The following ACBD5 variants were observed in gnomAD, a reference collection of about 807,000 sequenced individuals.
ACBD5 encodes the protein acyl-CoA binding domain containing 5, also known as acyl-CoA-binding domain-containing protein 5.
Under a neutral mutation model 71.8 loss-of-function variants are expected in ACBD5, and 40 were observed. The ratio of observed to expected loss-of-function variants is 0.56; its 90% CI spans 0.43 to 0.72. ACBD5 has a LOEUF of 0.72. ACBD5 is among the 30% of genes least tolerant of loss of function. The pLI, the probability that ACBD5 is intolerant of heterozygous loss-of-function variation, is 0.00. For missense variants in ACBD5, 559 were observed against 644.5 expected, an observed-to-expected ratio of 0.87 and a Z score of 1.44; for synonymous variants, 229 against 218.6, an observed-to-expected ratio of 1.05 and a Z score of -0.42.
At chr10:27,187,159 G>T (rs1164766398) in intron 13 of ACBD5, among the ~76,000 whole-genome samples, 1 of 152,122 alleles carries the variant, frequency 6.6e-6, no homozygotes, top group African/African-American at 2.4e-5. Flanking sequence ...AATTAGCCGG[G>T]CATGTTGGTG....
chr10:27,212,320 G>A (rs1272919103), intron 8 of ACBD5, among the ~76,000 whole-genome samples: 1 of 152,228 alleles, frequency 6.6e-6, no homozygotes, highest in African/African-American at 2.4e-5. Flanking sequence ...CTGCACTCCA[G>A]AAGCCAGGTC....
intron 5 of ACBD5, among the ~76,000 whole-genome samples, chr10:27,221,795 G>A (rs569018297): frequency 6.6e-6 from 1 of 151,448 alleles, no homozygotes; most frequent in Admixed American, 6.6e-5. Flanking sequence ...GTGTACACTT[G>A]TAATCCCAGC....
chr10:27,229,120 C>T (rs1363220736), intron 4 of ACBD5, among the ~76,000 whole-genome samples: 3 of 150,982 alleles, frequency 2.0e-5, no homozygotes, highest in African/African-American at 4.9e-5. Context: ...CCACAGCCGG[C>T]GTTAAAAGAA....
chr10:27,191,315 G>A (rs1281028123), downstream of ACBD5, among the ~76,000 whole-genome samples: 1 of 152,188 alleles, frequency 6.6e-6, no homozygotes, highest in Non-Finnish European at 1.5e-5. Flanking sequence ...AGGATGACAA[G>A]GTGGAGCACA....
intron 4 of ACBD5, among the ~76,000 whole-genome samples, chr10:27,223,777 G>T (rs1405404379): frequency 6.6e-6 from 1 of 152,062 alleles, no homozygotes; most frequent in Non-Finnish European, 1.5e-5. Context: ...AGGCACGGTG[G>T]TGTGTGTCTG....
At chr10:27,206,914 T>C (rs2136913988) in intron 10 of ACBD5, among the ~76,000 whole-genome samples, 1 of 152,070 alleles carries the variant, frequency 6.6e-6, no homozygotes, top group South Asian at 2.1e-4. Flanking sequence ...CAAAGACAAA[T>C]GTGCATAGTA....
Position 27,231,804 on chromosome 10 carries a change from G to A in ACBD5, c.319C>T (p.Leu107=). 1 of 1,613,654 alleles carries A rather than the reference G, an allele frequency of 6.2e-7. No homozygotes were observed. Among genetic ancestry groups the A allele is most frequent in the Non-Finnish European group, 8.5e-7 (1 of 1,179,912 alleles). ...GCTTCCTCTTTGGTCATATCACCCAGTGAACTCCAAGCATCCCTAGAAATG... is the reference window on the plus strand; with the variant it reads ...GCTTCCTCTTTGGTCATATCACCCAATGAACTCCAAGCATCCCTAGAAATG... ...GRYKWDAWSS[L]GDMTKEEAMI... The change falls in exon 4 of 13, where the codon CTG becomes TTG. Residue 107 remains leucine (L), a synonymous_variant. Coordinates refer to ENST00000396271, the MANE Select transcript of ACBD5 (RefSeq NM_145698.5).
rs2062105104 is a variant in ACBD5, at chr10:27,219,788, C to T, written c.560G>A (p.Ser187Asn). ...TVNGKAESSD[S>N]GAESEEEEAQ... ...CTCTTCTTCCTCAGACTCGGCTCCA[C>T]TGTCACTGCTTTCAGCTTTACCATT... is the stretch of plus-strand genomic sequence containing the variant. Residue 187 changes from serine (S) to asparagine (N), a missense_variant, in exon 6 of 13, where the codon AGT (serine) becomes AAT (asparagine). Ser to Asn is a conservative substitution (Grantham distance 46, BLOSUM62 1). Transcript: ENST00000396271. 1 of 1,614,162 alleles carries T rather than the reference C, an allele frequency of 6.2e-7. No individual in the cohort carries two copies. Among genetic ancestry groups the T allele is most frequent in the Non-Finnish European group, 8.5e-7 (1 of 1,180,024 alleles).
chr10:27,240,304 G>T lies in ACBD5; in HGVS notation c.181+15C>A, dbSNP rs1351699591. The stretch of plus-strand genomic sequence containing the variant: ...TCTGCAGGAGGCGTCTACAGCCGGG[G>T]CCCAGCGCACGTACCATTCTTCGGC... On this transcript the variant is annotated intron_variant, in intron 2 of 12. Transcript: ENST00000396271. The surrounding 1 kb of genome is among the most constrained non-coding windows in gnomAD (Gnocchi z 4.1). The T allele has an allele frequency of 1.9e-6, 3 of 1,613,888 alleles. No homozygotes were observed. The highest frequency in any genetic ancestry group is 1.7e-6 in the Non-Finnish European group (2 of 1,180,032).
Position 27,196,294 on chromosome 10 carries a change from G to A in ACBD5, c.*1136C>T, listed in dbSNP as rs892205669. 1 of 453,962 alleles carries A rather than the reference G, an allele frequency of 2.2e-6. No individual in the cohort carries two copies. Among genetic ancestry groups the A allele is most frequent in the African/African-American group, 2.0e-5 (1 of 49,996 alleles). 28.1% of individuals were successfully genotyped at this position (453,962 alleles called of 1,614,324 possible). A position where few individuals can be genotyped will look rare whatever the true frequency, so the allele number is the denominator to read the frequency against. On this transcript the variant is annotated 3_prime_UTR_variant, in exon 13 of 13. Transcript: ENST00000396271. ...AGCAGGAAGTTTTGGAAGGCATACA[G>A]GAAAAGTCTCCAAGGATCTAAATTG...
intron 4 of ACBD5, among the ~76,000 whole-genome samples, chr10:27,227,511 T>C (rs2063234727): frequency 6.6e-6 from 1 of 152,074 alleles, no homozygotes; most frequent in African/African-American, 2.4e-5. Context: ...CACTTCTGAG[T>C]ATGCTGATCA....
rs1589239590 is a variant in ACBD5 at position 27,223,332 on chromosome 10, T to C, written c.490+6A>G. The stretch of plus-strand genomic sequence containing the variant: ...ATGAATTTAAAAATAGGTAAAATAG[T>C]CCAACCTGAGGTTATATCAGAACTC... On this transcript the variant is annotated splice_donor_region_variant and intron_variant, in intron 5 of 12. Coordinates refer to ENST00000396271, the MANE Select transcript of ACBD5 (RefSeq NM_145698.5). 6.3e-7 allele frequency: 1 copy of C among 1,596,674 alleles called. No homozygotes were observed. The highest frequency in any genetic ancestry group is 1.7e-4 in the Middle Eastern group (1 of 6,018).
intron 4 of ACBD5, among the ~76,000 whole-genome samples, chr10:27,226,449 TACACACACAC>T (rs66967226): frequency 3.1e-3 from 415 of 134,752 alleles, no homozygotes; most frequent in African/African-American, 3.9e-3. Context: ...AGATACAGAC[TACACACACAC>T]ACACACACAC....
upstream of ACBD5, chr10:27,240,862 C>T (rs2065418351): frequency 1.2e-5 from 12 of 978,838 alleles, no homozygotes; most frequent in South Asian, 1.3e-4. The surrounding 1 kb of genome is among the most constrained non-coding windows in gnomAD (Gnocchi z 4.1). Context: ...GCGCCGCCGC[C>T]GCCGCAGCAG....
chr10:27,209,150 C>G (rs1286509174), intron 9 of ACBD5, among the ~76,000 whole-genome samples: 1 of 151,678 alleles, frequency 6.6e-6, no homozygotes, highest in Non-Finnish European at 1.5e-5. Flanking sequence ...GTCTCGAATG[C>G]TTGGGATCAA....
At chr10:27,210,751 C>G in intron 9 of ACBD5, 63 bp downstream of exon 9, 1 of 1,609,922 alleles carries the variant, frequency 6.2e-7, no homozygotes, top group Non-Finnish European at 8.5e-7. Flanking sequence ...GAGCGCGAGA[C>G]TCCATCTCAA....
At chr10:27,228,815 A>ATATATTTTTTTTTT (rs1554856598) in intron 4 of ACBD5, among the ~76,000 whole-genome samples, 4 of 20,368 alleles carry the variant, frequency 2.0e-4, no homozygotes, top group East Asian at 9.4e-4. Flanking sequence ...ATATATATAT[A>ATATATTTTTTTTTT]TTTTTTTTTT....
intron 13 of ACBD5, chr10:27,186,339 G>A: frequency 6.4e-7 from 1 of 1,570,574 alleles, no homozygotes; most frequent in Non-Finnish European, 8.8e-7. Context: ...ACTTACTTAG[G>A]TAATGATATC....
At position 27,219,765 on chromosome 10, in the gene ACBD5, C is replaced by A. The variant is rs1476926610; in HGVS notation, c.583G>T (p.Glu195Ter). The A allele has an allele frequency of 6.2e-7, 1 of 1,614,134 alleles. No individual in the cohort carries two copies. ...GCTCCTTTCACTTCTTCTTGGGCCT[C>A]TTCTTCCTCAGACTCGGCTCCACTG... is the stretch of plus-strand genomic sequence containing the variant. ...SDSGAESEEE[E>*]AQEEVKGAEQ... The change falls in exon 6 of 13, where the codon GAG (glutamate) becomes TAG (stop). Residue 195 changes from glutamate to a stop codon, truncating the protein, a stop_gained. Coordinates refer to ENST00000396271, the MANE Select transcript of ACBD5 (RefSeq NM_145698.5). LOFTEE classifies it high-confidence loss of function.
Sources: gnomAD v4.1 joint callset for allele counts (sites outside exome capture counted in the v4.1 genomes callset) on GRCh38, gnomAD v4.1.1 for gene constraint, Gnocchi (gnomAD v3.1) non-coding constraint, MANE v1.5 for transcripts, NCBI Gene and HGNC (gene_info 2026-07-23, HGNC 2026-07-21) for gene names.